The following TBC1D15 variants were observed in gnomAD, a reference collection of about 807,000 sequenced individuals.
TBC1D15 encodes the protein TBC1 domain family member 15.
In TBC1D15, 39 loss-of-function variants were observed where a neutral mutation model predicts 95.4. The ratio of observed to expected loss-of-function variants is 0.41; its 90% CI spans 0.32 to 0.53. The LOEUF (loss-of-function observed/expected upper bound fraction) is 0.53. Among genes scored for constraint, TBC1D15 ranks in the 20% least tolerant of loss-of-function variants. TBC1D15 has a pLI of 0.29. For synonymous variants in TBC1D15, 258 were observed against 261.3 expected (o/e 0.99, Z 0.12); for missense variants, 733 against 794.3 (o/e 0.92, Z 0.93).
chr12:71,866,988 A>C (rs1205481313), intron 1 of TBC1D15, among the ~76,000 whole-genome samples: 1 of 152,252 alleles, frequency 6.6e-6, no homozygotes, highest in Non-Finnish European at 1.5e-5. Context: ...CAGATATGTC[A>C]TATGAATAAA....
chr12:71,905,394 C>T (rs1160899006), intron 10 of TBC1D15, among the ~76,000 whole-genome samples: 3 of 152,058 alleles, frequency 2.0e-5, no homozygotes, highest in African/African-American at 4.8e-5. Flanking sequence ...GGTGCCATCA[C>T]GGCTCACTGC....
rs779340346 is a variant in TBC1D15 at position 71,893,340 on chromosome 12, C to T, written c.657+16C>T. ...TTTAATACAAGTATGTTCCTTAAAT[C>T]TATCCTGTATTATTCTGACTGCATT... On this transcript the variant is annotated intron_variant, in intron 6 of 16. Coordinates refer to ENST00000485960, the MANE Select transcript of TBC1D15 (RefSeq NM_001146213.3). 1.9e-6 allele frequency: 3 copies of T among 1,570,564 alleles called. No homozygotes were observed. Among genetic ancestry groups the T allele is most frequent in the East Asian group, 4.5e-5 (2 of 44,348 alleles).
intron 3 of TBC1D15, among the ~76,000 whole-genome samples, chr12:71,880,086 C>G (rs1248793187): frequency 6.6e-6 from 1 of 152,014 alleles, no homozygotes; most frequent in Non-Finnish European, 1.5e-5. Flanking sequence ...CTTTAAATAA[C>G]TAAAAGTTTG....
chr12:71,914,805 A>G (rs1411283575), intron 12 of TBC1D15, among the ~76,000 whole-genome samples: 1 of 152,086 alleles, frequency 6.6e-6, no homozygotes, highest in Admixed American at 6.5e-5. Flanking sequence ...TCTGGGATAC[A>G]AATGTGAAAT....
chr12:71,867,788 C>T (rs7973727), intron 1 of TBC1D15, among the ~76,000 whole-genome samples: 13,190 of 152,218 alleles, frequency 0.087, 647 homozygotes, highest in South Asian at 0.15. Context: ...CGTACCCAGC[C>T]AAGGAAGTGT....
chr12:71,887,535 C>T (rs1024997536), intron 5 of TBC1D15, among the ~76,000 whole-genome samples: 1 of 152,176 alleles, frequency 6.6e-6, no homozygotes, highest in African/African-American at 2.4e-5. Context: ...TCTTTCAGTT[C>T]CTAAAACCCC....
intron 14 of TBC1D15, 25 bp downstream of exon 14, chr12:71,918,573 A>G (rs888784618): frequency 2.2e-6 from 3 of 1,351,190 alleles, no homozygotes; most frequent in Non-Finnish European, 3.1e-6. Context: ...TATTATGCAA[A>G]TGTGATATTT....
intron 5 of TBC1D15, among the ~76,000 whole-genome samples, chr12:71,885,373 A>T (rs1896026060): frequency 6.6e-6 from 1 of 152,136 alleles, no homozygotes; most frequent in Non-Finnish European, 1.5e-5. Context: ...TTTACTTGTG[A>T]TGTTGCAGCT....
chr12:71,902,884 A>C (rs1446083340), intron 10 of TBC1D15, among the ~76,000 whole-genome samples: 1 of 152,136 alleles, frequency 6.6e-6, no homozygotes, highest in Non-Finnish European at 1.5e-5. Flanking sequence ...AAGCAAAAAC[A>C]ACCCCATTAA....
chr12:71,896,639 T>C (rs764803686), intron 8 of TBC1D15, 38 bp from the exon 9 acceptor site: 9 of 1,542,992 alleles, frequency 5.8e-6, no homozygotes, highest in Non-Finnish European at 8.0e-6. Flanking sequence ...TATTACATTC[T>C]TTTTCATTCA....
rs780600078 is a variant in TBC1D15, at chr12:71,923,068, ATGT to A, written c.1893_1895del (p.Val632del). On this transcript the variant is annotated inframe_deletion, in exon 17 of 17. Coordinates refer to ENST00000485960, the MANE Select transcript of TBC1D15 (RefSeq NM_001146213.3). ...GATTCAGACGTTGGTGAAGACGAAA[ATGT>A]TGTCATGACTCCTTGTCCTACATCT... The A allele has an allele frequency of 1.2e-6, 2 of 1,614,186 alleles. No individual in the cohort carries two copies. The highest frequency in any genetic ancestry group is 8.5e-7 in the Non-Finnish European group (1 of 1,180,024).
At position 71,897,945 on chromosome 12, in the gene TBC1D15, A is replaced by AT. The variant is rs749324455; in HGVS notation, c.1183+10dup. 10 of 1,607,852 alleles carry AT rather than the reference A, an allele frequency of 6.2e-6. No homozygotes were observed. Among genetic ancestry groups the AT allele is most frequent in the Middle Eastern group, 1.7e-4 (1 of 6,036 alleles). ...AGAGATTATAGAAGTCTTATCGGTA[A>AT]TTTTTTCTTAACAACTTTGGAAATG... On this transcript the variant is annotated splice_donor_region_variant and intron_variant, in intron 10 of 16. Coordinates refer to ENST00000485960, the MANE Select transcript of TBC1D15 (RefSeq NM_001146213.3).
intron 3 of TBC1D15, among the ~76,000 whole-genome samples, chr12:71,873,233 C>T (rs1290840796): frequency 1.3e-5 from 2 of 152,188 alleles, no homozygotes; most frequent in African/African-American, 2.4e-5. Flanking sequence ...TACTTTCAGT[C>T]ACTGGCAATC....
At chr12:71,899,208 A>G (rs1419522017) in intron 10 of TBC1D15, among the ~76,000 whole-genome samples, 2 of 152,140 alleles carry the variant, frequency 1.3e-5, no homozygotes, top group African/African-American at 2.4e-5. Context: ...TCAACCTTTC[A>G]TGTCCTTTTC....
chr12:71,893,184 G>T, intron 5 of TBC1D15, 38 bp from the exon 6 acceptor site: 2 of 1,225,538 alleles, frequency 1.6e-6, no homozygotes, highest in Non-Finnish European at 1.2e-6. Context: ...TTGATACAGT[G>T]TGTTAGTATT....
At chr12:71,853,415 C>T (rs1226751957) in intron 1 of TBC1D15, among the ~76,000 whole-genome samples, 1 of 152,214 alleles carries the variant, frequency 6.6e-6, no homozygotes, top group Non-Finnish European at 1.5e-5. Context: ...ACCATACCAC[C>T]CTCCCAGAGT....
intron 1 of TBC1D15, among the ~76,000 whole-genome samples, chr12:71,846,850 T>A (rs1336336976): frequency 7.3e-6 from 1 of 137,726 alleles, no homozygotes; most frequent in East Asian, 2.4e-4. Context: ...AGCCTCCGCC[T>A]CCTGGGCTCT....
chr12:71,904,659 C>T (rs1354203930), intron 10 of TBC1D15, among the ~76,000 whole-genome samples: 4 of 152,024 alleles, frequency 2.6e-5, no homozygotes. Context: ...TATGGAAACT[C>T]ATTTATAGTG....
At chr12:71,919,110 T>A (rs1349917558) in intron 14 of TBC1D15, among the ~76,000 whole-genome samples, 1 of 151,916 alleles carries the variant, frequency 6.6e-6, no homozygotes. Flanking sequence ...CCATGTGTAA[T>A]CCCCAGTGTT....
Sources: gnomAD v4.1 joint callset for allele counts (sites outside exome capture counted in the v4.1 genomes callset) on GRCh38, gnomAD v4.1.1 for gene constraint, MANE v1.5 for transcripts, NCBI Gene and HGNC (gene_info 2026-07-23, HGNC 2026-07-21) for gene names.